The following TEX48 variants were observed in gnomAD, a reference collection of about 807,000 sequenced individuals.
TEX48 encodes the protein testis expressed 48.
In TEX48, 10 loss-of-function variants were observed where a neutral mutation model predicts 13.2. The ratio of observed to expected loss-of-function variants is 0.75; its 90% CI spans 0.47 to 1.28. The LOEUF (loss-of-function observed/expected upper bound fraction) is 1.28. Ranked by LOEUF, TEX48 falls within the 50% of genes most tolerant of loss-of-function variation. The pLI, the probability that TEX48 is intolerant of heterozygous loss-of-function variation, is 0.00. For synonymous variants in TEX48, 45 were observed against 52.3 expected, an observed-to-expected ratio of 0.86 and a Z score of 0.60; for missense variants, 116 against 139.4, an observed-to-expected ratio of 0.83 and a Z score of 0.84.
intron 3 of TEX48, among the ~76,000 whole-genome samples, chr9:114,671,020 C>T (rs1033540556): frequency 6.6e-6 from 1 of 152,140 alleles, no homozygotes; most frequent in African/African-American, 2.4e-5. Context: ...ATCTTAACCA[C>T]TATTTTTATA....
chr9:114,671,479 T>C lies in TEX48; in HGVS notation c.31A>G (p.Ile11Val). 3 of 1,535,382 alleles carry C rather than the reference T, an allele frequency of 2.0e-6. No individual in the cohort carries two copies. Among genetic ancestry groups the C allele is most frequent in the Non-Finnish European group, 2.6e-6 (3 of 1,146,848 alleles). MAAHQNLILK[I>V]FCLCCRDCQE... ...CAGTCCCTGCAGCATAAACAGAAGA[T>C]CTTCAAGATCAGGTTTTGGTGGGCT... Residue 11 changes from isoleucine to valine, a missense_variant, in exon 3 of 5, where the codon ATC becomes GTC. Coordinates refer to ENST00000436752, the MANE Select transcript of TEX48 (RefSeq NM_001199233.2).
intron 1 of TEX48, among the ~76,000 whole-genome samples, chr9:114,673,170 T>C (rs139177796): frequency 0.014 from 2,069 of 151,928 alleles, 22 homozygotes; most frequent in Middle Eastern, 0.051. Flanking sequence ...GCACCAAACA[T>C]GAAAAACAAA....
At position 114,677,317 on chromosome 9, in the gene TEX48, G is replaced by T. The variant is rs181154580; in HGVS notation, c.-105+4718C>A. The stretch of plus-strand genomic sequence containing the variant: ...ATTTTTTTTTTTTAACATGATTTTA[G>T]CTCTGATGTATTTCATTGAGTTCTC... On this transcript the variant is annotated intron_variant, in intron 1 of 4. Transcript: ENST00000436752. 2.7e-4 allele frequency among the ~76,000 whole-genome samples: 40 copies of T among 150,910 alleles called. No individual in the cohort carries two copies. In the East Asian group the frequency reaches 6.6e-3, roughly 25 times the overall value.
At chr9:114,668,890 G>A (rs1294889928) in intron 3 of TEX48, among the ~76,000 whole-genome samples, 1 of 152,084 alleles carries the variant, frequency 6.6e-6, no homozygotes, top group Non-Finnish European at 1.5e-5. Context: ...AGGCTGGAGT[G>A]CAATGGTGTG....
At chr9:114,671,213 T>C (rs903626843) in intron 3 of TEX48, among the ~76,000 whole-genome samples, 170 bp downstream of exon 3, 1 of 152,152 alleles carries the variant, frequency 6.6e-6, no homozygotes, top group Non-Finnish European at 1.5e-5. Context: ...GAGTTTAAGC[T>C]CTCTTGTTTA....
At position 114,666,486 on chromosome 9, in the gene TEX48, T is replaced by C. The variant is rs1589374349; in HGVS notation, c.*157A>G. 3.8e-6 allele frequency: 2 copies of C among 521,144 alleles called. No homozygotes were observed. 32.3% of individuals were successfully genotyped at this position (521,144 alleles called of 1,614,324 possible). On this transcript the variant is annotated 3_prime_UTR_variant, in exon 5 of 5. Transcript: ENST00000436752. Reference sequence around the variant, plus strand: ...AGGCAGCTCTTCCCATGGTGGCTTTTTAGGAGCTGGAGTGACTCTTGCTTG... The same window carrying C: ...AGGCAGCTCTTCCCATGGTGGCTTTCTAGGAGCTGGAGTGACTCTTGCTTG...
rs938488132 is a variant in TEX48 at position 114,681,254 on chromosome 9, C to G, written c.-105+781G>C. On this transcript the variant is annotated intron_variant, in intron 1 of 4. Coordinates refer to ENST00000436752, the MANE Select transcript of TEX48 (RefSeq NM_001199233.2). ...TTTGTTGACACCCCGTGCTGATGCTCTCTCCACATCTTTACTAGAAAATTT... is the reference window on the plus strand; with the variant it reads ...TTTGTTGACACCCCGTGCTGATGCTGTCTCCACATCTTTACTAGAAAATTT... 2.6e-5 allele frequency among the ~76,000 whole-genome samples: 4 copies of G among 152,302 alleles called. No individual in the cohort carries two copies. In the East Asian group the frequency reaches 7.7e-4, roughly 29 times the overall value.
At chr9:114,675,818 A>G (rs549262484) in intron 1 of TEX48, among the ~76,000 whole-genome samples, 1 of 152,326 alleles carries the variant, frequency 6.6e-6, no homozygotes, top group African/African-American at 2.4e-5. Context: ...GCCATAAGAG[A>G]TGCTGTATAG....
In TEX48 at chr9:114,673,330, G is replaced by C. The variant is rs138031319; in HGVS notation, c.-104-1503C>G. Among the ~76,000 whole-genome samples the C allele has an allele frequency of 3.8e-3, 573 of 152,054 alleles. 1 individual carries two copies. Among genetic ancestry groups the C allele is most frequent in the Non-Finnish European group, 5.3e-3 (357 of 67,992 alleles). On this transcript the variant is annotated intron_variant, in intron 1 of 4. Transcript: ENST00000436752. ...TCTGCTAAAAATACAAAACTAGCTG[G>C]GTGTGTGGCACATGCCTGTAATCCC...
chr9:114,667,868 T>C (rs1827870084), intron 4 of TEX48, among the ~76,000 whole-genome samples: 1 of 119,720 alleles, frequency 8.4e-6, no homozygotes, highest in African/African-American at 3.3e-5. Context: ...ACTGCACCAC[T>C]GCACTCAAGC....
chr9:114,671,771 C>T lies in TEX48; in HGVS notation c.-48G>A. On this transcript the variant is annotated 5_prime_UTR_variant, in exon 2 of 5. Transcript: ENST00000436752. ...TCTGCCAGCTTTGTCTGCAGGGGTG[C>T]CTTGTTGAATCAGCCAGTCTTGAGT... The T allele has an allele frequency of 6.5e-7, 1 of 1,534,724 alleles. No individual in the cohort carries two copies. Among genetic ancestry groups the T allele is most frequent in the Non-Finnish European group, 8.7e-7 (1 of 1,146,098 alleles).
In TEX48 at chr9:114,666,759, A is replaced by G. The variant is rs768525471; in HGVS notation, c.260-13T>C. On this transcript the variant is annotated splice_polypyrimidine_tract_variant and intron_variant, in intron 4 of 4. Coordinates refer to ENST00000436752, the MANE Select transcript of TEX48 (RefSeq NM_001199233.2). ...TATGCATTCAGATCTGAAAGAAGAA[A>G]GGAAAAAATTATGCTGGGTGAAGGC... The G allele has an allele frequency of 3.0e-5, 43 of 1,421,920 alleles. No homozygotes were observed. The Middle Eastern group carries it at 5.2e-4, about 17-fold the overall frequency. The allele number at this position is 1,421,920 out of a possible 1,614,324, so 88.1% of individuals were successfully genotyped here. A position where few individuals can be genotyped will look rare whatever the true frequency, so the allele number is the denominator to read the frequency against.
intron 4 of TEX48, among the ~76,000 whole-genome samples, chr9:114,667,990 C>T (rs1050440871): frequency 2.0e-5 from 3 of 151,836 alleles, no homozygotes; most frequent in Non-Finnish European, 4.4e-5. Context: ...AGACCTGCTC[C>T]TTCTCATGCA....
chr9:114,671,316 A>G, intron 3 of TEX48, 67 bp downstream of exon 3: 1 of 1,511,170 alleles, frequency 6.6e-7, no homozygotes, highest in Non-Finnish European at 8.8e-7. Context: ...GGGGTATCCC[A>G]GCAGGCAGAG....
intron 1 of TEX48, among the ~76,000 whole-genome samples, chr9:114,677,630 C>G (rs1169346976): frequency 3.4e-4 from 52 of 152,180 alleles, no homozygotes; most frequent in Admixed American, 3.4e-3. Flanking sequence ...CACCATGAGT[C>G]AGCCCTGAGT....
At chr9:114,673,867 G>T (rs928086877) in intron 1 of TEX48, among the ~76,000 whole-genome samples, 1 of 151,382 alleles carries the variant, frequency 6.6e-6, no homozygotes, top group African/African-American at 2.4e-5. Flanking sequence ...GTACAGTGGC[G>T]TGATCACAGC....
chr9:114,668,681 C>T (rs563001552), intron 3 of TEX48, among the ~76,000 whole-genome samples: 9 of 152,088 alleles, frequency 5.9e-5, no homozygotes, highest in South Asian at 4.2e-4. Context: ...GTAATGCATA[C>T]GCTTTATAGA....
chr9:114,679,889 A>G (rs1828153821), intron 1 of TEX48, among the ~76,000 whole-genome samples: 1 of 152,174 alleles, frequency 6.6e-6, no homozygotes, highest in South Asian at 2.1e-4. Context: ...TTGAGTAATT[A>G]TGGATCACAG....
intron 1 of TEX48, among the ~76,000 whole-genome samples, chr9:114,674,534 TTTC>T (rs1261204536): frequency 6.6e-6 from 1 of 150,898 alleles, no homozygotes. Context: ...CTCTTTCTTT[TTTC>T]TTCTTTCTTT....
Sources: allele counts gnomAD v4.1 joint callset (sites outside exome capture counted in the v4.1 genomes callset), GRCh38; gene constraint gnomAD v4.1.1; transcripts MANE v1.5; gene names NCBI Gene and HGNC (gene_info 2026-07-23, HGNC 2026-07-21).